The following KCNIP1 variants were observed in gnomAD, a reference collection of about 807,000 sequenced individuals.
The protein encoded by KCNIP1 is potassium voltage-gated channel interacting protein 1, also known as A-type potassium channel modulatory protein KCNIP1.
KCNIP1 carries 18 observed loss-of-function variants against 33.0 expected under a neutral mutation model. That is an observed-to-expected ratio of 0.55 (90% CI 0.38 to 0.81). The LOEUF is 0.81. KCNIP1 is among the 30% of genes least tolerant of loss of function. The pLI is 0.00. For missense variants in KCNIP1, 238 were observed against 271.6 expected (o/e 0.88, Z 0.87); for synonymous variants, 93 against 98.3 (o/e 0.95, Z 0.32).
chr5:170,522,317 T>A (rs1365286572), intron 1 of KCNIP1, among the ~76,000 whole-genome samples: 2 of 152,196 alleles, frequency 1.3e-5, no homozygotes. Context: ...CCTGTTGCCA[T>A]TAAACATTTG....
At chr5:170,584,148 T>C (rs1757898288) in intron 1 of KCNIP1, among the ~76,000 whole-genome samples, 1 of 152,208 alleles carries the variant, frequency 6.6e-6, no homozygotes, top group Non-Finnish European at 1.5e-5. Context: ...TGAGGCTGCA[T>C]CTGAACTTGG....
At chr5:170,601,081 C>A (rs954769034) in intron 1 of KCNIP1, among the ~76,000 whole-genome samples, 13 of 152,302 alleles carry the variant, frequency 8.5e-5, no homozygotes, top group Non-Finnish European at 1.8e-4. Context: ...TTTAAAATGG[C>A]AAAGATTCTA....
chr5:170,463,927 T>C (rs1465371324), intron 1 of KCNIP1, among the ~76,000 whole-genome samples: 1 of 152,186 alleles, frequency 6.6e-6, no homozygotes, highest in East Asian at 1.9e-4. Context: ...AAATAATCCA[T>C]TATTAGAATT....
chr5:170,630,517 C>T lies in KCNIP1; in HGVS notation c.62-88241C>T, dbSNP rs566235432. Among the ~76,000 whole-genome samples the T allele has an allele frequency of 2.6e-5, 4 of 152,266 alleles. No homozygotes were observed. In the South Asian group the frequency reaches 6.2e-4, roughly 24 times the overall value. On this transcript the variant is annotated intron_variant, in intron 1 of 7. Transcript: ENST00000328939. ...TCGTTATGTCGCTGGAGCCCAGAGG[C>T]GTCCATCAGGACTTGGGGGAGGGCA...
At chr5:170,700,093 C>T (rs546592616) in intron 1 of KCNIP1, among the ~76,000 whole-genome samples, 233 of 152,246 alleles carry the variant, frequency 1.5e-3, no homozygotes, top group African/African-American at 5.4e-3. Context: ...TTCATCCCAG[C>T]CTCCAGACAC....
rs930100993 is a variant in KCNIP1 at position 170,494,170 on chromosome 5, G to T, written c.88+140206G>T. ...ACATCAATTTCTCATTGCACACCCT[G>T]CTCAATGCTCATCTGCATAGTGTCC... On this transcript the variant is annotated intron_variant, in intron 1 of 7. Coordinates refer to the KCNIP1 transcript ENST00000377360. 3.3e-5 allele frequency among the ~76,000 whole-genome samples: 5 copies of T among 152,286 alleles called. No homozygotes were observed. In the South Asian group the frequency reaches 6.2e-4, roughly 19 times the overall value.
chr5:170,653,504 C>T (rs1761137117), intron 1 of KCNIP1, among the ~76,000 whole-genome samples: 1 of 152,120 alleles, frequency 6.6e-6, no homozygotes, highest in Admixed American at 6.5e-5. Flanking sequence ...CCAATCCAGC[C>T]TCAGGCTACA....
At chr5:170,460,870 C>T (rs545994091) in intron 1 of KCNIP1, among the ~76,000 whole-genome samples, 76 of 152,322 alleles carry the variant, frequency 5.0e-4, no homozygotes, top group African/African-American at 1.8e-3. Context: ...CAAACTGTCA[C>T]TGTTTGCTGA....
At chr5:170,703,444 A>G (rs1289700256) in intron 1 of KCNIP1, among the ~76,000 whole-genome samples, 1 of 137,794 alleles carries the variant, frequency 7.3e-6, no homozygotes, top group Non-Finnish European at 1.5e-5. Flanking sequence ...TCATATTTTT[A>G]TGTGAAATAA....
chr5:170,423,903 C>T (rs1040920338), intron 1 of KCNIP1, among the ~76,000 whole-genome samples: 9 of 152,130 alleles, frequency 5.9e-5, no homozygotes, highest in East Asian at 3.8e-4. Flanking sequence ...ACGGAGGTAG[C>T]GCTGTCTACT....
At chr5:170,454,496 A>G (rs1397456820) in intron 1 of KCNIP1, among the ~76,000 whole-genome samples, 3 of 152,236 alleles carry the variant, frequency 2.0e-5, no homozygotes, top group Non-Finnish European at 4.4e-5. Flanking sequence ...ACCCTTACTT[A>G]TAAGTCAGGA....
At chr5:170,589,042 A>G (rs1251631597) in intron 1 of KCNIP1, among the ~76,000 whole-genome samples, 1 of 129,636 alleles carries the variant, frequency 7.7e-6, no homozygotes, top group African/African-American at 3.0e-5. Flanking sequence ...TCTGTAGCCC[A>G]GGCTGGAGTG....
chr5:170,355,080 T>A (rs1763310417), intron 1 of KCNIP1, among the ~76,000 whole-genome samples: 1 of 152,218 alleles, frequency 6.6e-6, no homozygotes, highest in South Asian at 2.1e-4. Context: ...GTACGTTGTG[T>A]GGCATGTGTG....
intron 1 of KCNIP1, among the ~76,000 whole-genome samples, chr5:170,631,452 T>C (rs1760048092): frequency 6.6e-6 from 1 of 152,086 alleles, no homozygotes; most frequent in African/African-American, 2.4e-5. Context: ...GACTCTGCCA[T>C]TCTCCATTTC....
At chr5:170,590,945 G>A (rs986734397) in intron 1 of KCNIP1, among the ~76,000 whole-genome samples, 8 of 152,212 alleles carry the variant, frequency 5.3e-5, no homozygotes, top group Non-Finnish European at 1.2e-4. Flanking sequence ...GGCAGGCCTG[G>A]AAGTGAGGTG....
intron 1 of KCNIP1, among the ~76,000 whole-genome samples, chr5:170,583,404 T>C (rs1757869852): frequency 6.6e-6 from 1 of 151,808 alleles, no homozygotes; most frequent in South Asian, 2.1e-4. Flanking sequence ...TAAGATGTTG[T>C]GATCGAGATC....
intron 1 of KCNIP1, among the ~76,000 whole-genome samples, chr5:170,371,903 G>A (rs547512113): frequency 1.6e-4 from 24 of 152,158 alleles, no homozygotes; most frequent in South Asian, 2.1e-4. Context: ...CTGACACCAC[G>A]TAAGAGGGTT....
intron 1 of KCNIP1, among the ~76,000 whole-genome samples, chr5:170,478,828 C>A (rs1464622609): frequency 6.6e-6 from 1 of 151,974 alleles, no homozygotes; most frequent in Non-Finnish European, 1.5e-5. Flanking sequence ...TGACAGACAG[C>A]TGAACACTTC....
intron 1 of KCNIP1, among the ~76,000 whole-genome samples, chr5:170,479,752 C>T (rs1222502948): frequency 1.3e-5 from 2 of 152,200 alleles, no homozygotes; most frequent in African/African-American, 4.8e-5. Flanking sequence ...ACTGACTCAG[C>T]AATCAGTTAA....
Sources: allele counts gnomAD v4.1 joint callset (sites outside exome capture counted in the v4.1 genomes callset), GRCh38; gene constraint gnomAD v4.1.1; transcripts MANE v1.5; gene names NCBI Gene and HGNC (gene_info 2026-07-23, HGNC 2026-07-21).